Variants in PPEF1 observed in about 807,000 individuals in gnomAD.
PPEF1 encodes the protein serine/threonine-protein phosphatase with EF-hands 1.
In PPEF1, 12 loss-of-function variants were observed where a neutral mutation model predicts 53.3. The observed-to-expected ratio is 0.23, with a 90% CI of 0.14 to 0.36. PPEF1 has a LOEUF of 0.36. Among genes scored for constraint, PPEF1 ranks in the 10% least tolerant of loss-of-function variants. The probability of loss-of-function intolerance (pLI) is 1.00; values close to 1 mark genes in which losing one functional copy is unlikely to be tolerated. For missense variants in PPEF1, 334 were observed against 490.4 expected, an observed-to-expected ratio of 0.68 and a Z score of 3.01; for synonymous variants, 165 against 176.7, an observed-to-expected ratio of 0.93 and a Z score of 0.52.
At chrX:18,757,494 A>G (rs2045572184) in intron 4 of PPEF1, 133 bp from the exon 5 acceptor site, 2 of 485,357 alleles carry the variant, frequency 4.1e-6, no homozygotes, top group Admixed American at 3.0e-5. Flanking sequence ...GATCTATTTC[A>G]GAATAATTGA....
chrX:18,750,043 G>T, intron 4 of PPEF1, 91 bp downstream of exon 4: 1 of 874,138 alleles, frequency 1.1e-6, no homozygotes. Context: ...CAGCAGAGAT[G>T]CATTTCTTTA....
At chrX:18,802,667 G>C (rs954836003) in intron 10 of PPEF1, among the ~76,000 whole-genome samples, 6 of 111,995 alleles carry the variant, frequency 5.4e-5, no homozygotes, top group African/African-American at 1.9e-4. Flanking sequence ...ACAAAAACCT[G>C]GCCCAGAGCC....
upstream of PPEF1, among the ~76,000 whole-genome samples, chrX:18,682,735 C>T (rs769006316): frequency 2.0e-4 from 22 of 111,919 alleles, no homozygotes; most frequent in East Asian, 2.8e-4. Flanking sequence ...CAGTGGCTAA[C>T]GGTGGTGCCC....
At chrX:18,698,527 A>G (rs1401829473) in intron 5 of PPEF1, among the ~76,000 whole-genome samples, 1 of 111,954 alleles carries the variant, frequency 8.9e-6, no homozygotes, top group Admixed American at 9.5e-5. Context: ...AGTGGCTCAC[A>G]CCTGTAATCC....
At chrX:18,675,388 C>G (rs778643438), upstream of PPEF1, among the ~76,000 whole-genome samples, 1 of 113,767 alleles carries the variant, frequency 8.8e-6, no homozygotes, top group Non-Finnish European at 1.9e-5. Flanking sequence ...ACTTGCCGGT[C>G]GGAAGTCAGG....
chrX:18,749,371 G>T (rs2045393889), intron 3 of PPEF1, among the ~76,000 whole-genome samples: 1 of 112,586 alleles, frequency 8.9e-6, no homozygotes, highest in Admixed American at 9.4e-5. Flanking sequence ...TAAATTTTCT[G>T]TAGGTTCTGA....
At chrX:18,799,800 C>T (rs996891224) in intron 10 of PPEF1, among the ~76,000 whole-genome samples, 1 of 111,318 alleles carries the variant, frequency 9.0e-6, no homozygotes, top group African/African-American at 3.3e-5. Context: ...CAGTGATCAC[C>T]CCAAGGATCC....
At chrX:18,773,462 T>C (rs1421533223) in intron 6 of PPEF1, among the ~76,000 whole-genome samples, 1 of 111,908 alleles carries the variant, frequency 8.9e-6, no homozygotes, top group Non-Finnish European at 1.9e-5. Context: ...ACTATATATC[T>C]GGGTTTTGTA....
At chrX:18,720,591 C>CA (rs918716396) in intron 1 of PPEF1, among the ~76,000 whole-genome samples, 384 of 100,103 alleles carry the variant, frequency 3.8e-3, no homozygotes, top group African/African-American at 0.013. Flanking sequence ...GACTCCGTCT[C>CA]AAAAAAAAAA....
upstream of PPEF1, among the ~76,000 whole-genome samples, chrX:18,703,782 T>C (rs1212055188): frequency 1.8e-5 from 2 of 111,220 alleles, no homozygotes. Context: ...TCTGGAGAGA[T>C]ATTGAGACAG....
At chrX:18,739,803 G>T (rs2045101013) in intron 3 of PPEF1, among the ~76,000 whole-genome samples, 1 of 112,474 alleles carries the variant, frequency 8.9e-6, no homozygotes, top group Non-Finnish European at 1.9e-5. Context: ...CTTCCCGGCT[G>T]CTTTGTTTAC....
At chrX:18,787,756 C>CAA (rs11444215) in intron 9 of PPEF1, among the ~76,000 whole-genome samples, 3,049 of 52,380 alleles carry the variant, frequency 0.058, 174 homozygotes, top group African/African-American at 0.22. Context: ...CCCATCTTTA[C>CAA]AAAAAAAAAA....
At position 18,806,390 on chromosome X, in the gene PPEF1, T is replaced by C; in HGVS notation, c.1252-13T>C. ...AATGTTACGTGAACCTGACCCTCTT[T>C]TTCTTTAACCAGGTGGTGACTATAT... On this transcript the variant is annotated splice_polypyrimidine_tract_variant and intron_variant, in intron 11 of 15. Transcript: ENST00000470157. 1 of 1,198,186 alleles carries C rather than the reference T, an allele frequency of 8.3e-7. No individual in the cohort carries two copies. Among genetic ancestry groups the C allele is most frequent in the Non-Finnish European group, 1.1e-6 (1 of 887,295 alleles).
At chrX:18,800,595 A>T (rs1261964021) in intron 10 of PPEF1, among the ~76,000 whole-genome samples, 23 of 112,229 alleles carry the variant, frequency 2.0e-4, no homozygotes, top group Non-Finnish European at 1.5e-4. Context: ...TATAGTACAG[A>T]TACTCTTTGA....
intron 6 of PPEF1, among the ~76,000 whole-genome samples, chrX:18,772,968 A>G (rs1386254559): frequency 1.8e-5 from 2 of 112,973 alleles, no homozygotes; most frequent in Non-Finnish European, 3.7e-5. Flanking sequence ...GTGATCCAAG[A>G]AAGAAAGCAT....
Position 18,827,289 on chromosome X carries a change from G to A in PPEF1, c.1764G>A (p.Val588=), listed in dbSNP as rs1422832444. 2 of 1,204,641 alleles carry A rather than the reference G, an allele frequency of 1.7e-6. No individual in the cohort carries two copies. Among genetic ancestry groups the A allele is most frequent in the African/African-American group, 3.5e-5 (2 of 56,979 alleles). The change falls in exon 16 of 16, where the codon GTG becomes GTA. Residue 588 remains valine, a synonymous_variant. Transcript: ENST00000470157. ...ATATTCTTTTAGGCCTGATCTCCGT[G>A]GAAGAATTTCGTGCCATGTGGAAAC... ...IDTDHSGLIS[V]EEFRAMWKLF... is the part of the protein sequence containing the mutation.
chrX:18,812,886 C>T (rs766468506), intron 12 of PPEF1, among the ~76,000 whole-genome samples: 4 of 109,954 alleles, frequency 3.6e-5, no homozygotes, highest in African/African-American at 6.6e-5. Context: ...AATTAGCTTG[C>T]ACCACCACAC....
In PPEF1 at chrX:18,707,767, T is replaced by C; in HGVS notation, c.-14T>C. 2 of 1,204,451 alleles carry C rather than the reference T, an allele frequency of 1.7e-6. No individual in the cohort carries two copies. The highest frequency in any genetic ancestry group is 2.2e-6 in the Non-Finnish European group (2 of 889,043). On this transcript the variant is annotated 5_prime_UTR_variant, in exon 1 of 16. Transcript: ENST00000470157. ...AAGTTGAATTCATGAACACATATGA[T>C]TTAGATAGAAGTCATGGGATGCAGC...
chrX:18,762,190 G>T (rs1460055760), intron 6 of PPEF1, among the ~76,000 whole-genome samples: 1 of 111,535 alleles, frequency 9.0e-6, no homozygotes, highest in Non-Finnish European at 1.9e-5. Context: ...TCTGGGCCAA[G>T]AGTTACAGCC....
Sources: allele counts gnomAD v4.1 joint callset (sites outside exome capture counted in the v4.1 genomes callset), GRCh38; gene constraint gnomAD v4.1.1; transcripts MANE v1.5; gene names NCBI Gene and HGNC (gene_info 2026-07-23, HGNC 2026-07-21).